COP1: variants seen among roughly 807,000 people sequenced by gnomAD.
The protein encoded by COP1 is COP1 E3 ubiquitin ligase, also known as E3 ubiquitin-protein ligase COP1.
A neutral mutation model predicts 101.3 loss-of-function variants in COP1; 24 were observed. The ratio of observed to expected loss-of-function variants is 0.24; its 90% CI spans 0.17 to 0.33. The LOEUF is 0.33. Among genes scored for constraint, COP1 ranks in the 10% least tolerant of loss-of-function variants. COP1 has a pLI of 1.00. For missense variants in COP1, 663 were observed against 906.2 expected, an observed-to-expected ratio of 0.73 and a Z score of 3.45; for synonymous variants, 347 against 341.9, an observed-to-expected ratio of 1.01 and a Z score of -0.17.
chr1:175,981,653 G>A (rs923296498), intron 18 of COP1, among the ~76,000 whole-genome samples: 3 of 152,102 alleles, frequency 2.0e-5, no homozygotes, highest in African/African-American at 7.2e-5. Context: ...AAGCATGAAT[G>A]CATCAAACTA....
intron 15 of COP1, among the ~76,000 whole-genome samples, chr1:176,021,449 T>C (rs1238690496): frequency 6.6e-6 from 1 of 152,240 alleles, no homozygotes. Context: ...TCAATCCTCA[T>C]TGATTTGCTT....
chr1:176,166,032 C>A (rs1203973439), intron 3 of COP1, among the ~76,000 whole-genome samples: 1 of 152,078 alleles, frequency 6.6e-6, no homozygotes, highest in African/African-American at 2.4e-5. Context: ...ATCTTATATA[C>A]CATTATATTT....
chr1:176,083,594 CTT>C (rs1679586322), intron 10 of COP1, among the ~76,000 whole-genome samples: 1 of 152,170 alleles, frequency 6.6e-6, no homozygotes, highest in African/African-American at 2.4e-5. Context: ...TTCAATGTCT[CTT>C]TTCTTTCTCC....
chr1:176,147,755 T>C (rs1386739251), intron 6 of COP1, among the ~76,000 whole-genome samples: 1 of 152,182 alleles, frequency 6.6e-6, no homozygotes, highest in Non-Finnish European at 1.5e-5. Flanking sequence ...TGGGAGGCCA[T>C]GGGCCACCAC....
At position 175,981,045 on chromosome 1, in the gene COP1, C is replaced by T. The variant is rs538007645; in HGVS notation, c.2133+5898G>A. ...GATCCACAGATACAGAATATATATACGTTCCCTTACCTAACTCCAGTCTCT... is the reference window on the plus strand; with the variant it reads ...GATCCACAGATACAGAATATATATATGTTCCCTTACCTAACTCCAGTCTCT... On this transcript the variant is annotated intron_variant, in intron 18 of 19. Coordinates refer to ENST00000367669, the MANE Select transcript of COP1 (RefSeq NM_022457.7). Among the ~76,000 whole-genome samples the T allele has an allele frequency of 6.6e-5, 10 of 152,186 alleles. No homozygotes were observed. In the South Asian group the frequency reaches 8.3e-4, roughly 13 times the overall value.
intron 11 of COP1, among the ~76,000 whole-genome samples, chr1:176,064,693 G>A (rs1675593786): frequency 6.6e-6 from 1 of 151,574 alleles, no homozygotes; most frequent in Non-Finnish European, 1.5e-5. Flanking sequence ...TTGCTCTGTC[G>A]CCCAGGCTGG....
chr1:176,027,888 G>C (rs1270181272), intron 14 of COP1, among the ~76,000 whole-genome samples, 200 bp from the exon 15 acceptor site: 1 of 89,768 alleles, frequency 1.1e-5, no homozygotes, highest in Non-Finnish European at 2.2e-5. Context: ...ACCTGAAACT[G>C]GGTAATTTAT....
intron 9 of COP1, among the ~76,000 whole-genome samples, chr1:176,093,701 G>A (rs1681781233): frequency 6.6e-6 from 1 of 152,140 alleles, no homozygotes; most frequent in Non-Finnish European, 1.5e-5. Flanking sequence ...TTAGCCAAAT[G>A]TGGTGGTGGG....
intron 11 of COP1, among the ~76,000 whole-genome samples, chr1:176,075,420 C>G (rs547178798): frequency 6.6e-6 from 1 of 152,272 alleles, no homozygotes; most frequent in East Asian, 1.9e-4. Context: ...ATATTTGACA[C>G]GTTAAAACTT....
chr1:176,059,590 C>G (rs1674488491), intron 11 of COP1, among the ~76,000 whole-genome samples: 1 of 151,944 alleles, frequency 6.6e-6, no homozygotes, highest in Admixed American at 6.6e-5. Context: ...TCAAGTGATT[C>G]TCCTGCCTCA....
chr1:175,951,462 A>ATATATATATATATATATATATAT (rs1491471530), intron 18 of COP1, among the ~76,000 whole-genome samples: 27 of 49,558 alleles, frequency 5.4e-4, no homozygotes, highest in East Asian at 8.5e-4. Context: ...ATATATATAT[A>ATATATATATATATATATATATAT]AAAACTTCCA....
At chr1:176,153,392 T>A (rs545126959) in intron 5 of COP1, among the ~76,000 whole-genome samples, 3 of 152,298 alleles carry the variant, frequency 2.0e-5, no homozygotes, top group African/African-American at 7.2e-5. Flanking sequence ...TTCCCAAGTC[T>A]TTGTACTGAC....
At chr1:176,009,294 C>T (rs950548005) in intron 15 of COP1, among the ~76,000 whole-genome samples, 1 of 152,152 alleles carries the variant, frequency 6.6e-6, no homozygotes, top group African/African-American at 2.4e-5. Context: ...TGAGTTGGGT[C>T]AAATAGTAAC....
chr1:176,195,841 A>G (rs1396070186), intron 1 of COP1, among the ~76,000 whole-genome samples: 3 of 152,240 alleles, frequency 2.0e-5, no homozygotes, highest in African/African-American at 7.2e-5. Context: ...CACTGGGTAC[A>G]CACAGACACA....
intron 9 of COP1, chr1:176,100,251 T>G (rs546945978): frequency 8.5e-5 from 21 of 247,184 alleles, no homozygotes; most frequent in African/African-American, 4.4e-4. Flanking sequence ...TTACCAGGTG[T>G]GGAGGCAGGC....
intron 11 of COP1, among the ~76,000 whole-genome samples, chr1:176,054,736 C>G (rs1223828081): frequency 6.6e-6 from 1 of 152,106 alleles, no homozygotes; most frequent in Non-Finnish European, 1.5e-5. Context: ...TCCATCTATC[C>G]TGGATCTTTT....
chr1:176,116,394 T>C (rs1686190705), intron 9 of COP1, among the ~76,000 whole-genome samples: 1 of 152,306 alleles, frequency 6.6e-6, no homozygotes, highest in Non-Finnish European at 1.5e-5. Context: ...TTTAGATTTG[T>C]TCCATCACAA....
At chr1:175,976,987 T>C (rs975961769) in intron 18 of COP1, among the ~76,000 whole-genome samples, 1 of 152,138 alleles carries the variant, frequency 6.6e-6, no homozygotes, top group African/African-American at 2.4e-5. Context: ...AATCAACTAT[T>C]AGTATTTTTT....
At chr1:175,993,172 C>A (rs1348700253) in intron 15 of COP1, among the ~76,000 whole-genome samples, 1 of 152,212 alleles carries the variant, frequency 6.6e-6, no homozygotes, top group Non-Finnish European at 1.5e-5. Context: ...AACAGACCTG[C>A]AGCTGAGGGT....
Sources: allele counts gnomAD v4.1 joint callset (sites outside exome capture counted in the v4.1 genomes callset), GRCh38; gene constraint gnomAD v4.1.1; transcripts MANE v1.5; gene names NCBI Gene and HGNC (gene_info 2026-07-23, HGNC 2026-07-21).